Variants in FUT8 observed in about 807,000 individuals in gnomAD.
FUT8 encodes alpha-(1,6)-fucosyltransferase.
FUT8 carries 29 observed loss-of-function variants against 71.3 expected under a neutral mutation model. The ratio of observed to expected loss-of-function variants is 0.41; its 90% confidence interval spans 0.30 to 0.55. FUT8 has a LOEUF of 0.55. Ranked by LOEUF, FUT8 falls within the 20% of genes least tolerant of loss-of-function variation. The probability of loss-of-function intolerance (pLI) is 0.34; values close to 1 mark genes in which losing one functional copy is unlikely to be tolerated. For missense variants in FUT8, 544 were observed against 702.1 expected, an observed-to-expected ratio of 0.77 and a Z score of 2.55; for synonymous variants, 254 against 239.3, an observed-to-expected ratio of 1.06 and a Z score of -0.57.
At chr14:65,366,233 G>A in the FUT8 span, among the ~76,000 whole-genome samples, 1 of 152,126 alleles carries the variant, frequency 6.6e-6, no homozygotes, top group African/African-American at 2.4e-5. Flanking sequence ...AAAATTTAAG[G>A]TAACAGTAAA....
chr14:65,483,630 C>G lies in FUT8; in HGVS notation c.-228+27912C>G, dbSNP rs1019107086. On this transcript the variant is annotated intron_variant, in intron 2 of 10. Transcript: ENST00000673929. This position sits in a 1 kb window ranked among gnomAD's most constrained non-coding sequence, Gnocchi z 4.4. ...TCTTTCAGCAGTATTTTATTGTTTT[C>G]AATGTACTGATCTTACCCATATTTT... Among the ~76,000 whole-genome samples, 21 of 152,050 alleles carry G rather than the reference C, an allele frequency of 1.4e-4. No individual in the cohort carries two copies. Among genetic ancestry groups the G allele is most frequent in the African/African-American group, 5.1e-4 (21 of 41,392 alleles).
At chr14:65,732,170 A>G (rs1421869852) in intron 9 of FUT8, among the ~76,000 whole-genome samples, 1 of 152,208 alleles carries the variant, frequency 6.6e-6, no homozygotes, top group Non-Finnish European at 1.5e-5. Flanking sequence ...ATGGATTTGA[A>G]CACTGAATAG....
intron 6 of FUT8, among the ~76,000 whole-genome samples, chr14:65,655,395 G>A (rs1193551592): frequency 6.6e-6 from 1 of 150,548 alleles, no homozygotes; most frequent in African/African-American, 2.5e-5. Flanking sequence ...AGAATGGCAT[G>A]AACCTGGGAG....
chr14:65,448,145 A>G (rs1386097676), intron 1 of FUT8, among the ~76,000 whole-genome samples: 2 of 152,316 alleles, frequency 1.3e-5, no homozygotes, highest in East Asian at 1.9e-4. Flanking sequence ...TAGCCAAAAT[A>G]TCCAATGGTT....
intron 6 of FUT8, among the ~76,000 whole-genome samples, chr14:65,657,173 CCTT>C (rs1359695134): frequency 2.0e-5 from 3 of 152,106 alleles, no homozygotes; most frequent in African/African-American, 7.2e-5. Flanking sequence ...AAGTTAAAAA[CCTT>C]CTGCCTGCAC....
intron 6 of FUT8, among the ~76,000 whole-genome samples, chr14:65,663,679 C>A (rs1409131104): frequency 2.0e-5 from 3 of 152,022 alleles, no homozygotes; most frequent in African/African-American, 7.2e-5. Flanking sequence ...TGGATTTTCC[C>A]TCTTTCTTTA....
chr14:65,711,512 CCTT>C (rs1325585078), intron 7 of FUT8, among the ~76,000 whole-genome samples: 2 of 151,930 alleles, frequency 1.3e-5, no homozygotes, highest in Non-Finnish European at 2.9e-5. Context: ...AAAAAATTCT[CCTT>C]CTTGCTCTTT....
chr14:65,560,886 A>G (rs1885880295), intron 2 of FUT8, among the ~76,000 whole-genome samples: 2 of 152,172 alleles, frequency 1.3e-5, no homozygotes, highest in Admixed American at 6.6e-5. Context: ...CAGCTGAACA[A>G]TGAGGGAGGA....
At chr14:65,545,485 G>A (rs1254630272) in intron 2 of FUT8, among the ~76,000 whole-genome samples, 1 of 151,826 alleles carries the variant, frequency 6.6e-6, no homozygotes, top group Non-Finnish European at 1.5e-5. Flanking sequence ...GAAAATGAGT[G>A]TGAAATATGT....
At chr14:65,433,393 G>T (rs2065505747) in intron 1 of FUT8, among the ~76,000 whole-genome samples, 1 of 152,200 alleles carries the variant, frequency 6.6e-6, no homozygotes, top group Admixed American at 6.5e-5. Flanking sequence ...ACAAACTGAA[G>T]AAAGGCTTAT....
chr14:65,554,303 C>T (rs1321374382), intron 2 of FUT8, among the ~76,000 whole-genome samples: 1 of 151,166 alleles, frequency 6.6e-6, no homozygotes, highest in African/African-American at 2.4e-5. Context: ...TTTAATATAT[C>T]AATTACAATT....
At chr14:65,612,633 T>C (rs2140209838) in intron 3 of FUT8, among the ~76,000 whole-genome samples, 1 of 152,336 alleles carries the variant, frequency 6.6e-6, no homozygotes, top group Non-Finnish European at 1.5e-5. Context: ...TAGCTCCATT[T>C]CTTCAACTCA....
At chr14:65,401,116 C>T in the FUT8 span, among the ~76,000 whole-genome samples, 1 of 152,142 alleles carries the variant, frequency 6.6e-6, no homozygotes, top group South Asian at 2.1e-4. Flanking sequence ...TAAACAGAAC[C>T]AAATCCAACA....
chr14:65,518,352 G>T (rs1882849188), intron 2 of FUT8, among the ~76,000 whole-genome samples: 1 of 151,964 alleles, frequency 6.6e-6, no homozygotes, highest in Non-Finnish European at 1.5e-5. Flanking sequence ...AATCTACTTG[G>T]CTCCCCATAG....
intron 3 of FUT8, among the ~76,000 whole-genome samples, chr14:65,582,636 C>A (rs569156867): frequency 3.9e-5 from 6 of 152,316 alleles, no homozygotes; most frequent in African/African-American, 1.4e-4. Flanking sequence ...GTTCACCCAG[C>A]AGCCATGGCC....
chr14:65,403,777 C>T, the FUT8 span, among the ~76,000 whole-genome samples: 1 of 147,654 alleles, frequency 6.8e-6, no homozygotes. Flanking sequence ...TTCCTTATGA[C>T]CTTGCTCCTA....
At chr14:65,633,147 T>A (rs1285314976) in intron 6 of FUT8, among the ~76,000 whole-genome samples, 5 of 152,120 alleles carry the variant, frequency 3.3e-5, no homozygotes, top group Admixed American at 2.6e-4. Flanking sequence ...GCCTGCCGAG[T>A]GCCTGCGATT....
intron 2 of FUT8, among the ~76,000 whole-genome samples, chr14:65,459,944 A>C (rs546536851): frequency 6.6e-6 from 1 of 152,368 alleles, no homozygotes; most frequent in South Asian, 2.1e-4. Flanking sequence ...TTTTACAATG[A>C]AAATAGGATC....
intron 3 of FUT8, among the ~76,000 whole-genome samples, chr14:65,614,324 T>C (rs369884167): frequency 4.6e-5 from 7 of 152,348 alleles, no homozygotes; most frequent in Non-Finnish European, 1.5e-5. Flanking sequence ...TTTACAGACA[T>C]TTCCTCATTT....
Sources: gnomAD v4.1 joint callset for allele counts (sites outside exome capture counted in the v4.1 genomes callset) on GRCh38, gnomAD v4.1.1 for gene constraint, Gnocchi (gnomAD v3.1) non-coding constraint, MANE v1.5 for transcripts, NCBI Gene and HGNC (gene_info 2026-07-23, HGNC 2026-07-21) for gene names.